UNC5D: variants seen among roughly 807,000 people sequenced by gnomAD.
The protein encoded by UNC5D is unc-5 netrin receptor D.
In UNC5D, 39 loss-of-function variants were observed where a neutral mutation model predicts 105.4. That is an observed-to-expected ratio of 0.37 (90% CI 0.29 to 0.48). UNC5D has a LOEUF of 0.48. Ranked by LOEUF, UNC5D falls within the 20% of genes least tolerant of loss-of-function variation. The pLI is 0.98. For synonymous variants in UNC5D, 452 were observed against 450.4 expected (o/e 1.00, Z -0.04); for missense variants, 991 against 1,202.4 (o/e 0.82, Z 2.60).
At chr8:35,687,800 A>C (rs1826118482) in intron 7 of UNC5D, among the ~76,000 whole-genome samples, 1 of 152,176 alleles carries the variant, frequency 6.6e-6, no homozygotes, top group Admixed American at 6.5e-5. Context: ...AAAATAACAT[A>C]TTTGAATGTT....
At chr8:35,511,494 A>AT (rs1563487192) in intron 1 of UNC5D, among the ~76,000 whole-genome samples, 2 of 149,474 alleles carry the variant, frequency 1.3e-5, no homozygotes, top group Non-Finnish European at 1.5e-5. Flanking sequence ...AAAAAAAAAA[A>AT]AGGTCTTAAT....
intron 1 of UNC5D, among the ~76,000 whole-genome samples, chr8:35,420,737 A>G (rs1805844642): frequency 9.0e-6 from 1 of 111,436 alleles, no homozygotes; most frequent in Non-Finnish European, 2.0e-5. Context: ...TATTAATACC[A>G]TGGGCTTTTT....
At chr8:35,442,687 C>T (rs771727853) in intron 1 of UNC5D, among the ~76,000 whole-genome samples, 15 of 151,776 alleles carry the variant, frequency 9.9e-5, no homozygotes, top group African/African-American at 3.1e-4. Context: ...AAAATCCATA[C>T]GAAAAATCTG....
At chr8:35,766,502 A>G (rs1801773329) in intron 14 of UNC5D, among the ~76,000 whole-genome samples, 1 of 152,212 alleles carries the variant, frequency 6.6e-6, no homozygotes, top group Non-Finnish European at 1.5e-5. Flanking sequence ...CATAAGTGAA[A>G]AGATAACATC....
intron 13 of UNC5D, among the ~76,000 whole-genome samples, chr8:35,756,441 C>G (rs1830523380): frequency 6.6e-6 from 1 of 151,418 alleles, no homozygotes; most frequent in Non-Finnish European, 1.5e-5. Flanking sequence ...GTATATATAA[C>G]TCTAGGGCAA....
At chr8:35,272,198 G>T (rs1805454203) in intron 1 of UNC5D, among the ~76,000 whole-genome samples, 1 of 152,180 alleles carries the variant, frequency 6.6e-6, no homozygotes, top group African/African-American at 2.4e-5. Context: ...ACTGAAAAAT[G>T]ATGTTTAAAA....
chr8:35,605,412 C>G (rs1016220323), intron 4 of UNC5D, among the ~76,000 whole-genome samples: 2 of 152,200 alleles, frequency 1.3e-5, no homozygotes, highest in African/African-American at 4.8e-5. Context: ...GAAGTTTTGT[C>G]TCAGAGGAGT....
At chr8:35,685,041 A>G (rs1825916431) in intron 6 of UNC5D, among the ~76,000 whole-genome samples, 1 of 152,188 alleles carries the variant, frequency 6.6e-6, no homozygotes, top group South Asian at 2.1e-4. Flanking sequence ...TGGTTGGGCT[A>G]AGCCATCCCC....
At chr8:35,333,935 C>T (rs553220624) in intron 1 of UNC5D, among the ~76,000 whole-genome samples, 9 of 152,188 alleles carry the variant, frequency 5.9e-5, no homozygotes, top group South Asian at 2.1e-4. Flanking sequence ...TTTGGGAGAG[C>T]TTCAGATTCA....
chr8:35,318,363 C>CA (rs1211009169), intron 1 of UNC5D, among the ~76,000 whole-genome samples: 2 of 151,194 alleles, frequency 1.3e-5, no homozygotes, highest in Admixed American at 6.6e-5. Flanking sequence ...TTGTAAGCAG[C>CA]AAAAAAAAGT....
At chr8:35,358,803 A>C (rs1462576886) in intron 1 of UNC5D, among the ~76,000 whole-genome samples, 1 of 152,182 alleles carries the variant, frequency 6.6e-6, no homozygotes, top group Admixed American at 6.5e-5. Flanking sequence ...CCATTGACTG[A>C]AATTTATGTT....
intron 11 of UNC5D, among the ~76,000 whole-genome samples, chr8:35,737,250 C>T (rs1424305677): frequency 1.6e-5 from 2 of 122,442 alleles, no homozygotes; most frequent in Admixed American, 8.3e-5. Flanking sequence ...GCAAGATCTG[C>T]TCTGTGTGTG....
chr8:35,432,772 G>C (rs1466686254), intron 1 of UNC5D, among the ~76,000 whole-genome samples: 1 of 152,172 alleles, frequency 6.6e-6, no homozygotes, highest in East Asian at 1.9e-4. Context: ...AAAGGTTTCA[G>C]TTTCCCAACT....
intron 1 of UNC5D, among the ~76,000 whole-genome samples, chr8:35,287,290 A>G (rs186400954): frequency 6.6e-6 from 1 of 152,374 alleles, no homozygotes; most frequent in East Asian, 1.9e-4. Flanking sequence ...ATGGAGATCT[A>G]TGAAATGACT....
At chr8:35,464,346 T>TAA (rs1173239270) in intron 1 of UNC5D, among the ~76,000 whole-genome samples, 1 of 151,912 alleles carries the variant, frequency 6.6e-6, no homozygotes, top group Non-Finnish European at 1.5e-5. Flanking sequence ...ATAATAATAA[T>TAA]AAAAAAGAAA....
intron 1 of UNC5D, among the ~76,000 whole-genome samples, chr8:35,286,592 G>T (rs1400658901): frequency 6.6e-6 from 1 of 152,142 alleles, no homozygotes; most frequent in Non-Finnish European, 1.5e-5. Context: ...CACAATATCT[G>T]GTCCTGCCCA....
intron 1 of UNC5D, among the ~76,000 whole-genome samples, chr8:35,412,877 A>G (rs1805265816): frequency 6.6e-6 from 1 of 152,066 alleles, no homozygotes; most frequent in Admixed American, 6.6e-5. Flanking sequence ...AGGAGCTCTG[A>G]TTCCATGGAG....
At chr8:35,307,073 C>T (rs974667851) in intron 1 of UNC5D, among the ~76,000 whole-genome samples, 3 of 151,916 alleles carry the variant, frequency 2.0e-5, no homozygotes, top group African/African-American at 7.3e-5. Flanking sequence ...TTGTCTTGGG[C>T]CACACATGAA....
Position 35,390,518 on chromosome 8 carries a change from C to CAGAAG in UNC5D, c.103+154637_103+154641dup. On this transcript the variant is annotated intron_variant, in intron 1 of 16. Coordinates refer to ENST00000404895, the MANE Select transcript of UNC5D (RefSeq NM_080872.4). ...AAAAAAATATTATGGAGAAAACTTCCAGAAGAGAAGCAAAGTCTTTAAGGA... is the reference window on the plus strand; with the variant it reads ...AAAAAAATATTATGGAGAAAACTTCCAGAAGAGAAGAGAAGCAAAGTCTTTAAGGA... 1.3e-5 allele frequency among the ~76,000 whole-genome samples: 2 copies of CAGAAG among 151,962 alleles called. 1 individual carries two copies. Among genetic ancestry groups the CAGAAG allele is most frequent in the South Asian group, 4.2e-4 (2 of 4,800 alleles).
Sources: allele counts gnomAD v4.1 joint callset (sites outside exome capture counted in the v4.1 genomes callset), GRCh38; gene constraint gnomAD v4.1.1; transcripts MANE v1.5; gene names NCBI Gene and HGNC (gene_info 2026-07-23, HGNC 2026-07-21).